RNF182: variants seen among roughly 807,000 people sequenced by gnomAD.
RNF182 encodes the protein ring finger protein 182.
In RNF182, 15 loss-of-function variants were observed where a neutral mutation model predicts 14.4. The ratio of observed to expected loss-of-function variants is 1.04; its 90% CI spans 0.70 to 1.60. The LOEUF (loss-of-function observed/expected upper bound fraction) is 1.60. Ranked by LOEUF, RNF182 falls within the 40% of genes most tolerant of loss-of-function variation. The probability of loss-of-function intolerance (pLI) is 0.00; values close to 1 mark genes in which losing one functional copy is unlikely to be tolerated. For synonymous variants in RNF182, 128 were observed against 122.9 expected (o/e 1.04, Z -0.27); for missense variants, 268 against 294.8 (o/e 0.91, Z 0.67).
intron 1 of RNF182, among the ~76,000 whole-genome samples, chr6:13,953,864 C>T (rs1759661498): frequency 6.6e-6 from 1 of 152,098 alleles, no homozygotes; most frequent in Non-Finnish European, 1.5e-5. Flanking sequence ...CAGCACCTAG[C>T]CCAGGGCTTA....
chr6:13,959,915 T>C (rs1285352163), intron 1 of RNF182, among the ~76,000 whole-genome samples: 1 of 152,158 alleles, frequency 6.6e-6, no homozygotes, highest in East Asian at 1.9e-4. Flanking sequence ...CATGTCATGA[T>C]ATTCAAAGCT....
chr6:13,933,554 G>A (rs1237234728), intron 1 of RNF182, among the ~76,000 whole-genome samples: 1 of 151,886 alleles, frequency 6.6e-6, no homozygotes, highest in African/African-American at 2.4e-5. Flanking sequence ...ATTATTTTTA[G>A]TAGTAGATTT....
At chr6:13,933,815 CGA>C (rs1228147392) in intron 1 of RNF182, among the ~76,000 whole-genome samples, 6 of 152,018 alleles carry the variant, frequency 3.9e-5, no homozygotes, top group African/African-American at 1.4e-4. Context: ...GTCGGTAGTT[CGA>C]GACCAACCTG....
intron 1 of RNF182, among the ~76,000 whole-genome samples, chr6:13,934,552 A>G (rs1759057419): frequency 6.6e-6 from 1 of 152,186 alleles, no homozygotes; most frequent in Admixed American, 6.6e-5. Context: ...CAACAGTTGT[A>G]ATAGTTCCAA....
intron 1 of RNF182, among the ~76,000 whole-genome samples, chr6:13,950,948 C>T (rs1417306427): frequency 6.6e-6 from 1 of 151,668 alleles, no homozygotes; most frequent in Non-Finnish European, 1.5e-5. Flanking sequence ...AGTCGTGTGC[C>T]ACCACACCTG....
At chr6:13,961,763 A>T (rs280181) in intron 1 of RNF182, among the ~76,000 whole-genome samples, 119,471 of 152,068 alleles carry the variant, frequency 0.79, 48,468 homozygotes, top group Middle Eastern at 0.91. Context: ...ATTAAATTGC[A>T]TGTTCTTGGA....
intron 1 of RNF182, among the ~76,000 whole-genome samples, chr6:13,950,104 A>T (rs557978702): frequency 6.6e-6 from 1 of 152,246 alleles, no homozygotes. Context: ...CAAAAAATAC[A>T]TTCTACTTTT....
intron 1 of RNF182, among the ~76,000 whole-genome samples, chr6:13,962,792 G>A (rs147402322): frequency 7.5e-4 from 114 of 152,242 alleles, no homozygotes; most frequent in African/African-American, 2.6e-3. Context: ...TGTTGATGCC[G>A]CATTAAAATG....
Position 13,979,254 on chromosome 6 carries a change from T to C in RNF182, c.*1391T>C, listed in dbSNP as rs1241189526. 6.0e-6 allele frequency: 1 copy of C among 166,194 alleles called. No homozygotes were observed. The highest frequency in any genetic ancestry group is 1.5e-5 in the Non-Finnish European group (1 of 68,108). The allele number at this position is 166,194 out of a possible 1,614,324, so 10.3% of individuals were successfully genotyped here. On this transcript the variant is annotated 3_prime_UTR_variant, in exon 3 of 3. Transcript: ENST00000488300. Reference sequence around the variant, plus strand: ...AGAATTTGTTTAGCAGATTACAAGTTGGCAAAATAGACTGTTCACAGAAAC... The same window carrying C: ...AGAATTTGTTTAGCAGATTACAAGTCGGCAAAATAGACTGTTCACAGAAAC...
At chr6:13,954,615 G>C (rs1759683452) in intron 1 of RNF182, among the ~76,000 whole-genome samples, 1 of 151,926 alleles carries the variant, frequency 6.6e-6, no homozygotes, top group African/African-American at 2.4e-5. Flanking sequence ...TGTATTTTAT[G>C]TGTTGCTCAA....
chr6:13,961,131 C>T (rs1420151276), intron 1 of RNF182, among the ~76,000 whole-genome samples: 1 of 152,092 alleles, frequency 6.6e-6, no homozygotes, highest in Non-Finnish European at 1.5e-5. Context: ...TATCAGGTAG[C>T]GGAAGTTATT....
At position 13,945,026 on chromosome 6, in the gene RNF182, C is replaced by T. The variant is rs1235786811; in HGVS notation, c.-367+20003C>T. Among the ~76,000 whole-genome samples the T allele has an allele frequency of 2.0e-5, 3 of 152,160 alleles. No homozygotes were observed. In the South Asian group the frequency reaches 6.2e-4, roughly 32 times the overall value. ...GAGGAGTGAGAACATAAGAGTGTTA[C>T]TAGAGATTTGCTTTCTTAGGGTGGA... On this transcript the variant is annotated intron_variant, in intron 1 of 2. Coordinates refer to ENST00000488300, the MANE Select transcript of RNF182 (RefSeq NM_152737.4).
At chr6:13,971,056 C>T (rs1192532241) in intron 1 of RNF182, among the ~76,000 whole-genome samples, 1 of 152,100 alleles carries the variant, frequency 6.6e-6, no homozygotes, top group African/African-American at 2.4e-5. Flanking sequence ...TTGTTAGCCA[C>T]TCCATAGCCT....
At chr6:13,965,196 A>G (rs73724005) in intron 1 of RNF182, among the ~76,000 whole-genome samples, 4,566 of 152,320 alleles carry the variant, frequency 0.03, 235 homozygotes, top group African/African-American at 0.1. Flanking sequence ...TTCCCCATCA[A>G]ACATTTTAGT....
At position 13,979,890 on chromosome 6, in the gene RNF182, C is replaced by T. The variant is rs1049562719; in HGVS notation, c.*2027C>T. ...AGTTAATTTGGCTTTAGAGAGCAAT[C>T]TTTGTATGACACCAGAAAACTCTTC... is the stretch of plus-strand genomic sequence containing the variant. On this transcript the variant is annotated 3_prime_UTR_variant, in exon 3 of 3. Transcript: ENST00000488300. 1 of 166,884 alleles carries T rather than the reference C, an allele frequency of 6.0e-6. No individual in the cohort carries two copies. Among genetic ancestry groups the T allele is most frequent in the Non-Finnish European group, 1.5e-5 (1 of 68,084 alleles). 10.3% of individuals were successfully genotyped at this position (166,884 alleles called of 1,614,324 possible).
At position 13,975,902 on chromosome 6, in the gene RNF182, G is replaced by A. The variant is rs543728222; in HGVS notation, c.-211-1007G>A. ...ATTAAAGCTAATTAAAAATAATTTT[G>A]AGATTTTGTATATTACTGCTCCCTT... On this transcript the variant is annotated intron_variant, in intron 2 of 2. Transcript: ENST00000488300. Among the ~76,000 whole-genome samples, 5 of 152,272 alleles carry A rather than the reference G, an allele frequency of 3.3e-5. No homozygotes were observed. In the South Asian group the frequency reaches 1.0e-3, roughly 32 times the overall value.
At chr6:13,953,012 A>C (rs1759634505) in intron 1 of RNF182, among the ~76,000 whole-genome samples, 1 of 152,204 alleles carries the variant, frequency 6.6e-6, no homozygotes, top group Non-Finnish European at 1.5e-5. Context: ...TTTGAGATGG[A>C]ATGTTACTGC....
At chr6:13,947,036 C>T (rs190382953) in intron 1 of RNF182, among the ~76,000 whole-genome samples, 22 of 130,678 alleles carry the variant, frequency 1.7e-4, no homozygotes, top group Non-Finnish European at 1.0e-4. Context: ...AACTGTAAAG[C>T]GAAATCAGTA....
intron 1 of RNF182, among the ~76,000 whole-genome samples, chr6:13,940,965 ATTC>A (rs1229335081): frequency 6.6e-6 from 1 of 151,800 alleles, no homozygotes; most frequent in Non-Finnish European, 1.5e-5. Context: ...TTTTGAGACT[ATTC>A]TTATGGCCTG....
Sources: allele counts gnomAD v4.1 joint callset (sites outside exome capture counted in the v4.1 genomes callset), GRCh38; gene constraint gnomAD v4.1.1; transcripts MANE v1.5; gene names NCBI Gene and HGNC (gene_info 2026-07-23, HGNC 2026-07-21).